Variants in MED10 observed in about 807,000 individuals in gnomAD.
MED10 encodes the protein mediator complex subunit 10.
A neutral mutation model predicts 17.2 loss-of-function variants in MED10; 9 were observed. The ratio of observed to expected loss-of-function variants is 0.52; its 90% confidence interval spans 0.31 to 0.91. MED10 has a LOEUF of 0.91. Among genes scored for constraint, MED10 ranks in the 40% least tolerant of loss-of-function variants. The probability of loss-of-function intolerance (pLI) is 0.04; values close to 1 mark genes in which losing one functional copy is unlikely to be tolerated. For missense variants in MED10, 129 were observed against 164.8 expected (o/e 0.78, Z 1.19); for synonymous variants, 66 against 59.8 (o/e 1.10, Z -0.48).
chr5:6,373,382 G>A (rs73040199), intron 3 of MED10, among the ~76,000 whole-genome samples: 1,627 of 152,264 alleles, frequency 0.011, 34 homozygotes, highest in African/African-American at 0.036. Context: ...TCAAGCAGCC[G>A]GCAGAGGAGA....
chr5:6,374,261 A>C, intron 3 of MED10, 63 bp downstream of exon 3: 19 of 1,147,796 alleles, frequency 1.7e-5, no homozygotes, highest in Non-Finnish European at 2.2e-5. Flanking sequence ...TGAGTCTCTT[A>C]ACCAAATTCC....
intron 3 of MED10, among the ~76,000 whole-genome samples, chr5:6,373,705 G>A (rs1309370178): frequency 5.3e-5 from 8 of 152,186 alleles, no homozygotes; most frequent in Non-Finnish European, 1.0e-4. Flanking sequence ...GCTGCACACG[G>A]CAACAGTCGC....
At chr5:6,374,218 G>T in intron 3 of MED10, 106 bp downstream of exon 3, 1 of 743,216 alleles carries the variant, frequency 1.3e-6, no homozygotes, top group Non-Finnish European at 2.4e-6. Context: ...GTGAAGTTAT[G>T]AAAGTCAATA....
intron 2 of MED10, among the ~76,000 whole-genome samples, chr5:6,375,529 C>A (rs893601753): frequency 6.6e-6 from 1 of 152,172 alleles, no homozygotes; most frequent in South Asian, 2.1e-4. Flanking sequence ...CTATCCATTT[C>A]TCAAGAAAAA....
At chr5:6,377,048 A>T (rs1010149672) in intron 2 of MED10, 118 bp downstream of exon 2, 2 of 529,382 alleles carry the variant, frequency 3.8e-6, no homozygotes, top group African/African-American at 3.9e-5. Context: ...CATCCCCAGC[A>T]CCCAGGCTGT....
chr5:6,376,137 G>A (rs1737983544), intron 2 of MED10, among the ~76,000 whole-genome samples: 1 of 152,184 alleles, frequency 6.6e-6, no homozygotes, highest in Non-Finnish European at 1.5e-5. Flanking sequence ...ACTGAGCACA[G>A]GTAAGGAACA....
At chr5:6,372,707 A>G in intron 3 of MED10, 106 bp from the exon 4 acceptor site, 1 of 828,320 alleles carries the variant, frequency 1.2e-6, no homozygotes, top group Non-Finnish European at 2.0e-6. Context: ...TAAGCAATAC[A>G]GGGCCACGGG....
chr5:6,373,248 G>A (rs541084628), intron 3 of MED10, among the ~76,000 whole-genome samples: 8 of 152,238 alleles, frequency 5.3e-5, no homozygotes, highest in East Asian at 1.9e-4. Context: ...CGGCCAGAGC[G>A]CCAAGAGGCC....
chr5:6,377,012 T>G (rs569073552), intron 2 of MED10, 154 bp downstream of exon 2: 1 of 443,004 alleles, frequency 2.3e-6, no homozygotes, highest in South Asian at 6.8e-5. Context: ...TTTTTGTATT[T>G]TTGTCTATTT....
chr5:6,373,670 G>A (rs941012370), intron 3 of MED10, among the ~76,000 whole-genome samples: 4 of 152,210 alleles, frequency 2.6e-5, no homozygotes, highest in African/African-American at 9.7e-5. Flanking sequence ...TTGTGAGCTG[G>A]GAGGAGAGGA....
At position 6,374,354 on chromosome 5, in the gene MED10, C is replaced by T. The variant is rs1028536598; in HGVS notation, c.279G>A (p.Glu93=). 1.2e-6 allele frequency: 2 copies of T among 1,613,936 alleles called. No homozygotes were observed. The highest frequency in any genetic ancestry group is 2.7e-5 in the African/African-American group (2 of 75,026). ...TGGTGTCGATCTTGCCTTTAACTTG[C>T]TCATTTTTAGCTAGAGCCCTCTCCA... ...ECLERALAKN[E]QVKGKIDTMK... is the part of the protein sequence containing the mutation. The change falls in exon 3 of 4, where the codon GAG becomes GAA. Residue 93 remains glutamate, a synonymous_variant. Transcript: ENST00000255764.
chr5:6,374,126 T>C (rs1466853568), intron 3 of MED10, among the ~76,000 whole-genome samples, 198 bp downstream of exon 3: 3 of 152,240 alleles, frequency 2.0e-5, no homozygotes, highest in Non-Finnish European at 4.4e-5. Context: ...AAGAGTAAGA[T>C]TAGTGTATGT....
At chr5:6,378,015 AGG>A (rs1446356165) in intron 1 of MED10, among the ~76,000 whole-genome samples, 1 of 152,224 alleles carries the variant, frequency 6.6e-6, no homozygotes, top group Admixed American at 6.5e-5. Context: ...AATTCCCAGA[AGG>A]GCTCCAGGAG....
chr5:6,378,223 C>A (rs1738040301), intron 1 of MED10, 139 bp downstream of exon 1: 13 of 1,256,928 alleles, frequency 1.0e-5, no homozygotes, highest in South Asian at 5.2e-5. Flanking sequence ...GCGCCCCGGG[C>A]TCCGGGACCA....
At position 6,378,353 on chromosome 5, in the gene MED10, G is replaced by A. The variant is rs1163635211; in HGVS notation, c.122+9C>T. The A allele has an allele frequency of 3.8e-6, 6 of 1,599,336 alleles. No homozygotes were observed. The highest frequency in any genetic ancestry group is 5.1e-6 in the Non-Finnish European group (6 of 1,174,090). ...GGGGAGACCCCGGCAGCCTCGGGCC[G>A]CCACTCACAGCTTTTGGTTGAGCCC... On this transcript the variant is annotated intron_variant, in intron 1 of 3. Transcript: ENST00000255764.
chr5:6,372,795 C>T (rs1243625181), intron 3 of MED10, among the ~76,000 whole-genome samples, 194 bp from the exon 4 acceptor site: 1 of 152,198 alleles, frequency 6.6e-6, no homozygotes, highest in Non-Finnish European at 1.5e-5. Flanking sequence ...CGACACTGCA[C>T]AGCCCCGGAC....
At chr5:6,378,298 C>G in intron 1 of MED10, 64 bp downstream of exon 1, 1 of 1,491,408 alleles carries the variant, frequency 6.7e-7, no homozygotes, top group East Asian at 2.5e-5. Context: ...GATCCCCGCT[C>G]CCCTAGCACA....
chr5:6,373,521 T>C (rs1467788714), intron 3 of MED10, among the ~76,000 whole-genome samples: 1 of 151,942 alleles, frequency 6.6e-6, no homozygotes, highest in Non-Finnish European at 1.5e-5. Flanking sequence ...AAGGATAGAG[T>C]CGCTTGTGCA....
rs562174381 is a variant in MED10, at chr5:6,372,346, C to T, written c.*157G>A. 4 of 622,306 alleles carry T rather than the reference C, an allele frequency of 6.4e-6. No homozygotes were observed. In the East Asian group the frequency reaches 1.1e-4, roughly 17 times the overall value. The allele number at this position is 622,306 out of a possible 1,614,324, so 38.5% of individuals were successfully genotyped here. ...CACAGCTCCGCCTCTCCTCCAGCCC[C>T]TCGGTCCCATGAGGCCAAACAATGA... On this transcript the variant is annotated 3_prime_UTR_variant, in exon 4 of 4. Coordinates refer to ENST00000255764, the MANE Select transcript of MED10 (RefSeq NM_032286.3).
Sources: gnomAD v4.1 joint callset for allele counts (sites outside exome capture counted in the v4.1 genomes callset) on GRCh38, gnomAD v4.1.1 for gene constraint, MANE v1.5 for transcripts, NCBI Gene and HGNC (gene_info 2026-07-23, HGNC 2026-07-21) for gene names.